Variants in TENM3 observed in about 807,000 individuals in gnomAD.
The protein encoded by TENM3 is teneurin-3.
A neutral mutation model predicts 255.1 loss-of-function variants in TENM3; 63 were observed. That is an observed-to-expected ratio of 0.25 (90% confidence interval 0.20 to 0.30). The LOEUF (loss-of-function observed/expected upper bound fraction) is 0.30. Among genes scored for constraint, TENM3 ranks in the 10% least tolerant of loss-of-function variants. The pLI is 1.00. For missense variants in TENM3, 2,929 were observed against 3,461.1 expected (o/e 0.85, Z 3.86); for synonymous variants, 1,306 against 1,322.3 (o/e 0.99, Z 0.27).
the TENM3 span, among the ~76,000 whole-genome samples, chr4:181,578,072 C>T: frequency 3.5e-3 from 538 of 152,144 alleles, 2 homozygotes; most frequent in African/African-American, 0.012. Context: ...TGGCCAGGGA[C>T]CCTCCAGCTC....
At chr4:182,784,823 G>A (rs938431827) in intron 24 of TENM3, among the ~76,000 whole-genome samples, 3 of 152,094 alleles carry the variant, frequency 2.0e-5, no homozygotes, top group Non-Finnish European at 2.9e-5. Context: ...TTTTCCAGGT[G>A]CTGTCCGTCA....
the TENM3 span, among the ~76,000 whole-genome samples, chr4:181,578,435 A>T: frequency 6.6e-6 from 1 of 152,248 alleles, no homozygotes; most frequent in East Asian, 1.9e-4. Context: ...ACGGAGGAAT[A>T]GCGGCCAGGG....
chr4:181,828,857 TG>T, the TENM3 span, among the ~76,000 whole-genome samples: 1 of 152,206 alleles, frequency 6.6e-6, no homozygotes, highest in Non-Finnish European at 1.5e-5. Context: ...CCCAAAGTGC[TG>T]GGATTACAGG....
At chr4:182,156,292 C>T (rs904486278) in intron 1 of TENM3, among the ~76,000 whole-genome samples, 8 of 152,204 alleles carry the variant, frequency 5.3e-5, no homozygotes, top group African/African-American at 1.2e-4. Context: ...TTATGAGGTA[C>T]GCGCCACTGA....
chr4:181,661,803 T>A, the TENM3 span, among the ~76,000 whole-genome samples: 1 of 152,086 alleles, frequency 6.6e-6, no homozygotes, highest in East Asian at 1.9e-4. Flanking sequence ...AAACAGTAAG[T>A]GGATTTTTCC....
the TENM3 span, among the ~76,000 whole-genome samples, chr4:181,905,207 G>T: frequency 6.6e-6 from 1 of 152,082 alleles, no homozygotes; most frequent in Non-Finnish European, 1.5e-5. Context: ...AGCACATATT[G>T]TTCCTGGCAT....
chr4:181,747,955 A>G, the TENM3 span, among the ~76,000 whole-genome samples: 91 of 151,604 alleles, frequency 6.0e-4, no homozygotes, highest in African/African-American at 2.1e-3. Flanking sequence ...TTATTTCCAC[A>G]CTCACTTTGA....
chr4:182,295,530 A>G (rs1385737201), intron 1 of TENM3, among the ~76,000 whole-genome samples: 1 of 151,820 alleles, frequency 6.6e-6, no homozygotes, highest in Non-Finnish European at 1.5e-5. Context: ...CGGCCTCCCA[A>G]AGTGCTGGGA....
the TENM3 span, among the ~76,000 whole-genome samples, chr4:181,763,931 T>C: frequency 1.3e-5 from 2 of 152,186 alleles, no homozygotes; most frequent in South Asian, 2.1e-4. Flanking sequence ...CTGTTATAGA[T>C]CATTTTGATT....
intron 1 of TENM3, among the ~76,000 whole-genome samples, chr4:182,203,340 C>T (rs1215571119): frequency 2.0e-5 from 3 of 152,102 alleles, no homozygotes; most frequent in Non-Finnish European, 2.9e-5. Context: ...AGGTAGGTAG[C>T]GTGGTAAAAG....
chr4:182,074,165 C>T, the TENM3 span, among the ~76,000 whole-genome samples: 7 of 152,204 alleles, frequency 4.6e-5, no homozygotes, highest in Admixed American at 2.6e-4. Context: ...TCATTTTCCT[C>T]GAAACATAAA....
the TENM3 span, among the ~76,000 whole-genome samples, chr4:181,782,430 G>A: frequency 2.0e-5 from 3 of 152,270 alleles, no homozygotes; most frequent in South Asian, 2.1e-4. Flanking sequence ...CGTATTCTCT[G>A]ATGGTAGTTC....
intron 3 of TENM3, chr4:182,449,091 AGCGGCG>A (rs35591339): frequency 1.3e-3 from 338 of 260,758 alleles, no homozygotes; most frequent in South Asian, 3.2e-3. Flanking sequence ...AAGGTGGGTG[AGCGGCG>A]GCGGCGGCGG....
intron 3 of TENM3, among the ~76,000 whole-genome samples, chr4:182,536,131 T>A (rs769947400): frequency 1.3e-5 from 2 of 152,358 alleles, no homozygotes; most frequent in African/African-American, 4.8e-5. Context: ...ACTAGATTGT[T>A]GTTTCTGCTG....
chr4:182,439,865 T>C (rs887380144), intron 3 of TENM3, among the ~76,000 whole-genome samples: 2 of 152,182 alleles, frequency 1.3e-5, no homozygotes, highest in African/African-American at 4.8e-5. Context: ...CTTCGTCGTT[T>C]TACACTGCAG....
chr4:182,652,081 C>T (rs1298848959), intron 5 of TENM3, among the ~76,000 whole-genome samples: 1 of 152,092 alleles, frequency 6.6e-6, no homozygotes, highest in Non-Finnish European at 1.5e-5. Context: ...ATATTTTATC[C>T]ACACAGTGTT....
intron 16 of TENM3, among the ~76,000 whole-genome samples, chr4:182,733,543 A>T (rs1415458692): frequency 1.4e-5 from 2 of 140,116 alleles, no homozygotes; most frequent in Non-Finnish European, 3.3e-5. Context: ...GGAAGAGTGG[A>T]GTCCAGGGAA....
At chr4:182,606,114 C>G (rs1440765825) in intron 4 of TENM3, among the ~76,000 whole-genome samples, 1 of 152,188 alleles carries the variant, frequency 6.6e-6, no homozygotes, top group Non-Finnish European at 1.5e-5. Context: ...ACCCCCTTCG[C>G]AGAAAAAGCT....
chr4:181,641,784 C>CAT, the TENM3 span, among the ~76,000 whole-genome samples: 24 of 62,968 alleles, frequency 3.8e-4, no homozygotes, highest in African/African-American at 5.1e-4. Context: ...ATACACACAC[C>CAT]ATATATATAT....
Sources: allele counts gnomAD v4.1 joint callset (sites outside exome capture counted in the v4.1 genomes callset), GRCh38; gene constraint gnomAD v4.1.1; transcripts MANE v1.5; gene names NCBI Gene and HGNC (gene_info 2026-07-23, HGNC 2026-07-21).